Variants in WDR33 observed in about 807,000 individuals in gnomAD.
WDR33 encodes WD repeat domain 33, also known as pre-mRNA 3' end processing protein WDR33.
In WDR33, 47 loss-of-function variants were observed where a neutral mutation model predicts 164.9. The observed-to-expected ratio is 0.29, with a 90% CI of 0.23 to 0.36. The LOEUF (loss-of-function observed/expected upper bound fraction) is 0.36, where lower values mean the gene tolerates loss of function less well. WDR33 is among the 10% of genes least tolerant of loss of function. The pLI is 1.00. For synonymous variants in WDR33, 505 were observed against 589.0 expected, an observed-to-expected ratio of 0.86 and a Z score of 2.06; for missense variants, 1,137 against 1,754.1, an observed-to-expected ratio of 0.65 and a Z score of 6.28.
chr2:127,737,256 G>GA, intron 7 of WDR33: 1 of 985,314 alleles, frequency 1.0e-6, no homozygotes, highest in Non-Finnish European at 1.2e-6. Flanking sequence ...ATATCATAGA[G>GA]AACATCAGCC....
intron 7 of WDR33, among the ~76,000 whole-genome samples, chr2:127,750,763 C>CAT (rs532017521): frequency 3.7e-5 from 4 of 108,672 alleles, no homozygotes; most frequent in Non-Finnish European, 7.1e-5. Flanking sequence ...TGTATACATA[C>CAT]ATATATATAC....
At chr2:127,745,165 G>A (rs996849932) in intron 7 of WDR33, among the ~76,000 whole-genome samples, 24 of 152,278 alleles carry the variant, frequency 1.6e-4, no homozygotes, top group African/African-American at 5.3e-4. Context: ...GCCTTCAGTG[G>A]CATAGTTGTT....
Position 127,717,319 on chromosome 2 carries a change from T to C in WDR33, c.2761-56A>G, listed in dbSNP as rs1686325865. 3.6e-6 allele frequency: 5 copies of C among 1,380,984 alleles called. No homozygotes were observed. The highest frequency in any genetic ancestry group is 4.9e-6 in the Non-Finnish European group (5 of 1,029,942). 85.5% of individuals were successfully genotyped at this position (1,380,984 alleles called of 1,614,324 possible). ...AAATCACAGGCTTGAGCTACATAAA[T>C]AGTGATTGCATTATAACATGACAAG... On this transcript the variant is annotated intron_variant, in intron 16 of 21. Transcript: ENST00000322313. The surrounding 1 kb of genome is among the most constrained non-coding windows in gnomAD (Gnocchi z 5.6).
intron 7 of WDR33, among the ~76,000 whole-genome samples, chr2:127,751,998 G>A (rs932693605): frequency 2.6e-5 from 4 of 152,198 alleles, no homozygotes; most frequent in Non-Finnish European, 4.4e-5. Context: ...GTTTCACGGG[G>A]TGGACGCAGA....
At chr2:127,771,586 G>A (rs1433378524) in intron 1 of WDR33, among the ~76,000 whole-genome samples, 1 of 152,054 alleles carries the variant, frequency 6.6e-6, no homozygotes, top group Non-Finnish European at 1.5e-5. Context: ...AGATCAGGCT[G>A]GGGAACATAG....
rs1210902091 is a variant in WDR33 at position 127,714,233 on chromosome 2, G to C, written c.2870-212C>G. 6.6e-6 allele frequency among the ~76,000 whole-genome samples: 1 copy of C among 152,178 alleles called. No homozygotes were observed. Among genetic ancestry groups the C allele is most frequent in the Non-Finnish European group, 1.5e-5 (1 of 68,032 alleles). On this transcript the variant is annotated intron_variant, in intron 17 of 21. Transcript: ENST00000322313. This position sits in a 1 kb window ranked among gnomAD's most constrained non-coding sequence, Gnocchi z 4.3. ...CAGATTTCAACTTCATCACCCACTAGCTAGGGCAAATTACTCATCTCAAAT... is the reference window on the plus strand; with the variant it reads ...CAGATTTCAACTTCATCACCCACTACCTAGGGCAAATTACTCATCTCAAAT...
chr2:127,779,420 C>T (rs1206830002), intron 1 of WDR33, among the ~76,000 whole-genome samples: 2 of 151,980 alleles, frequency 1.3e-5, no homozygotes, highest in African/African-American at 4.8e-5. Context: ...GAGCCAAGAT[C>T]ACGACACTGC....
Position 127,764,299 on chromosome 2 carries a change from A to G in WDR33, c.626+529T>C. 1 of 1,302,578 alleles carries G rather than the reference A, an allele frequency of 7.7e-7. No homozygotes were observed. The allele number at this position is 1,302,578 out of a possible 1,614,324, so 80.7% of individuals were successfully genotyped here. Reference sequence around the variant, plus strand: ...GCTGCAAAGCTTGAAGAACCCATTCATTACTCCGTTAATGTTTGCCACATC... The same window carrying G: ...GCTGCAAAGCTTGAAGAACCCATTCGTTACTCCGTTAATGTTTGCCACATC... On this transcript the variant is annotated intron_variant, in intron 6 of 21. Coordinates refer to ENST00000322313, the MANE Select transcript of WDR33 (RefSeq NM_018383.5). The surrounding 1 kb of genome is among the most constrained non-coding windows in gnomAD (Gnocchi z 6.2).
chr2:127,750,718 G>GCATACATATA lies in WDR33; in HGVS notation c.724+12343_724+12344insTATATGTATG, dbSNP rs1558937039. Among the ~76,000 whole-genome samples the GCATACATATA allele has an allele frequency of 3.5e-3, 142 of 40,118 alleles. 2 individuals carry two copies. The highest frequency in any genetic ancestry group is 0.016 in the African/African-American group (128 of 8,252). The allele number at this position is 40,118 out of a possible 152,430, so 26.3% of individuals were successfully genotyped here. ...TATATATATATATATATATATGTAT[G>GCATACATATA]TATGCATACATATATATGTATGCAT... On this transcript the variant is annotated intron_variant, in intron 7 of 21. Transcript: ENST00000322313.
rs781711795 is a variant in WDR33, at chr2:127,735,690, G to A, written c.725-8913C>T. 3.6e-4 allele frequency: 356 copies of A among 985,554 alleles called. No individual in the cohort carries two copies. Among genetic ancestry groups the A allele is most frequent in the Non-Finnish European group, 4.0e-4 (334 of 829,870 alleles). 61.1% of individuals were successfully genotyped at this position (985,554 alleles called of 1,614,324 possible). A position where few individuals can be genotyped will look rare whatever the true frequency, so the allele number is the denominator to read the frequency against. ...GATCAGTTTAAGACAAAGGGTATAT[G>A]AGTACCCATGGCCCATAGCCAGATA... On this transcript the variant is annotated intron_variant, in intron 7 of 21. Transcript: ENST00000322313. This position sits in a 1 kb window ranked among gnomAD's most constrained non-coding sequence, Gnocchi z 4.3.
intron 1 of WDR33, among the ~76,000 whole-genome samples, chr2:127,774,128 T>A (rs1688104010): frequency 6.7e-6 from 1 of 149,454 alleles, no homozygotes; most frequent in Non-Finnish European, 1.5e-5. Flanking sequence ...CTTGGCTCAC[T>A]GCAACCTCTG....
At chr2:127,758,519 C>T (rs1472054313) in intron 7 of WDR33, among the ~76,000 whole-genome samples, 2 of 152,104 alleles carry the variant, frequency 1.3e-5, no homozygotes, top group Non-Finnish European at 2.9e-5. Flanking sequence ...TACAATATGC[C>T]TTACAATTAC....
At chr2:127,780,710 A>T (rs957745231) in intron 1 of WDR33, among the ~76,000 whole-genome samples, 7 of 151,840 alleles carry the variant, frequency 4.6e-5, no homozygotes, top group African/African-American at 1.7e-4. Flanking sequence ...GTAAACTTTC[A>T]CCTCCAGTCC....
intron 7 of WDR33, among the ~76,000 whole-genome samples, chr2:127,728,284 G>A (rs1216984356): frequency 1.3e-5 from 2 of 152,062 alleles, no homozygotes; most frequent in African/African-American, 4.8e-5. Context: ...TGATTTAATG[G>A]CATGATTAAA....
At chr2:127,799,259 T>C (rs1038091612) in intron 1 of WDR33, among the ~76,000 whole-genome samples, 28 of 152,008 alleles carry the variant, frequency 1.8e-4, no homozygotes, top group Admixed American at 7.2e-4. Context: ...ATAATCAAAA[T>C]TGGAAACTTC....
At chr2:127,750,761 TACATATATATAC>T (rs1166370031) in intron 7 of WDR33, among the ~76,000 whole-genome samples, 7 of 128,160 alleles carry the variant, frequency 5.5e-5, no homozygotes, top group Admixed American at 8.4e-5. Context: ...TATGTATACA[TACATATATATAC>T]ACATATATAT....
In WDR33 at chr2:127,701,766, G is replaced by T; in HGVS notation, c.*4557C>A. 1 of 1,426,276 alleles carries T rather than the reference G, an allele frequency of 7.0e-7. No individual in the cohort carries two copies. Among genetic ancestry groups the T allele is most frequent in the African/African-American group, 1.5e-5 (1 of 67,196 alleles). 88.4% of individuals were successfully genotyped at this position (1,426,276 alleles called of 1,614,324 possible). ...GACGCGCGGGCAGCGGCTGGCGGCG[G>T]GCGGCGGGTGCCTGCTGCTGGCTGC... On this transcript the variant is annotated 3_prime_UTR_variant, in exon 22 of 22. Transcript: ENST00000322313.
In WDR33 at chr2:127,720,418, T is replaced by C. The variant is rs1686409253; in HGVS notation, c.1672-65A>G. 2 of 1,475,272 alleles carry C rather than the reference T, an allele frequency of 1.4e-6. No individual in the cohort carries two copies. Among genetic ancestry groups the C allele is most frequent in the Admixed American group, 2.4e-5 (1 of 40,874 alleles). The allele number at this position is 1,475,272 out of a possible 1,614,324, so 91.4% of individuals were successfully genotyped here. A position where few individuals can be genotyped will look rare whatever the true frequency, so the allele number is the denominator to read the frequency against. ...GCCAGAGCCCTTGAAGATGACAATA[T>C]TGCTATCATGTATTCTGTTAGGGGA... On this transcript the variant is annotated intron_variant, in intron 15 of 21. Coordinates refer to ENST00000322313, the MANE Select transcript of WDR33 (RefSeq NM_018383.5). The surrounding 1 kb of genome is among the most constrained non-coding windows in gnomAD (Gnocchi z 5.9).
Position 127,768,943 on chromosome 2 carries a change from T to C in WDR33, c.263A>G (p.Tyr88Cys). 1 of 1,593,688 alleles carries C rather than the reference T, an allele frequency of 6.3e-7. No individual in the cohort carries two copies. ...ACATCATGTACTTACATCATTGTAA[T>C]AACCTGCATCAGGCTGAATTGCCCG... is the stretch of plus-strand genomic sequence containing the variant. ...DMRAIQPDAG[Y>C]YNDLVPPIGM... Residue 88 changes from tyrosine (Y) to cysteine (C), a missense_variant, in exon 3 of 22, where the codon TAT becomes TGT. Tyr to Cys is a radical substitution (Grantham distance 194). Transcript: ENST00000322313.
Sources: gnomAD v4.1 joint callset for allele counts (sites outside exome capture counted in the v4.1 genomes callset) on GRCh38, gnomAD v4.1.1 for gene constraint, Gnocchi (gnomAD v3.1) non-coding constraint, MANE v1.5 for transcripts, NCBI Gene and HGNC (gene_info 2026-07-23, HGNC 2026-07-21) for gene names.